RBFOX1: variants seen among roughly 807,000 people sequenced by gnomAD.
RBFOX1 encodes the protein RNA binding protein fox-1 homolog 1.
Under a neutral mutation model 57.7 loss-of-function variants are expected in RBFOX1, and 8 were observed. The observed-to-expected ratio is 0.14, with a 90% CI of 0.08 to 0.25. The LOEUF is 0.25. Among genes scored for constraint, RBFOX1 ranks in the 10% least tolerant of loss-of-function variants. RBFOX1 has a pLI of 1.00. For missense variants in RBFOX1, 611 were observed against 548.5 expected (o/e 1.11, Z -1.14); for synonymous variants, 326 against 222.4 (o/e 1.47, Z -4.15).
intron 4 of RBFOX1, among the ~76,000 whole-genome samples, chr16:7,153,698 T>C (rs8057525): frequency 0.4 from 57,335 of 145,092 alleles, 12,450 homozygotes; most frequent in African/African-American, 0.59. Context: ...TGCATTGAAC[T>C]CTAGCCTGGT....
intron 3 of RBFOX1, among the ~76,000 whole-genome samples, chr16:7,035,412 C>G (rs2044111381): frequency 6.6e-6 from 1 of 152,032 alleles, no homozygotes; most frequent in African/African-American, 2.4e-5. Flanking sequence ...TAAAATGCAC[C>G]CTATCGAATG....
chr16:6,666,692 G>A (rs117210635), intron 3 of RBFOX1, among the ~76,000 whole-genome samples: 8 of 152,074 alleles, frequency 5.3e-5, no homozygotes, highest in African/African-American at 7.2e-5. Flanking sequence ...AAGAAAATAC[G>A]TCCCTTCTGT....
intron 3 of RBFOX1, among the ~76,000 whole-genome samples, chr16:7,017,283 G>A (rs187994311): frequency 5.8e-4 from 88 of 152,268 alleles, no homozygotes; most frequent in East Asian, 5.2e-3. Context: ...AGTATAGAAT[G>A]ATGGCAAATA....
chr16:7,509,318 G>A lies in RBFOX1; in HGVS notation c.28-8829G>A, dbSNP rs75489997. Among the ~76,000 whole-genome samples, 16 of 151,930 alleles carry A rather than the reference G, an allele frequency of 1.1e-4. No individual in the cohort carries two copies. In the East Asian group the frequency reaches 2.7e-3, roughly 26 times the overall value. On this transcript the variant is annotated intron_variant, in intron 4 of 15. Transcript: ENST00000550418. Reference sequence around the variant, plus strand: ...GGTCTATAGGGACAAAGATGGTTTTGGATTTTGCTTACCGTTGCATTAAAT... The same window carrying A: ...GGTCTATAGGGACAAAGATGGTTTTAGATTTTGCTTACCGTTGCATTAAAT...
intron 2 of RBFOX1, among the ~76,000 whole-genome samples, chr16:6,516,298 C>G (rs1252586016): frequency 1.3e-5 from 2 of 152,156 alleles, no homozygotes; most frequent in Admixed American, 6.5e-5. Context: ...TTAGCTCTGC[C>G]TTCTATGAAA....
At chr16:5,244,875 C>T (rs1365625838) in intron 1 of RBFOX1, among the ~76,000 whole-genome samples, 1 of 152,220 alleles carries the variant, frequency 6.6e-6, no homozygotes, top group Non-Finnish European at 1.5e-5. Context: ...CAAGCCCCTG[C>T]AGGGAAGCAA....
Position 5,448,672 on chromosome 16 carries a change from C to T in RBFOX1, c.220-18544C>T, listed in dbSNP as rs545510369. Among the ~76,000 whole-genome samples the T allele has an allele frequency of 3.9e-5, 6 of 152,236 alleles. No individual in the cohort carries two copies. The East Asian group carries it at 5.8e-4, about 15-fold the overall frequency. ...GGACCCTCCCTTTGGCGTTGGCTAC[C>T]GTGTAGCAGAGCTCAATGTGAGATA... On this transcript the variant is annotated intron_variant, in intron 1 of 2. Transcript: ENST00000585867.
chr16:6,978,372 C>T lies in RBFOX1; in HGVS notation c.-15-73685C>T, dbSNP rs940582444. ...GTCTTTATAATTAGATCTAATTACT[C>T]ATACAGACGTCATGAGGACAATGAC... On this transcript the variant is annotated intron_variant, in intron 3 of 15. Coordinates refer to ENST00000550418, the MANE Select transcript of RBFOX1 (RefSeq NM_018723.4). Among the ~76,000 whole-genome samples, 6 of 152,178 alleles carry T rather than the reference C, an allele frequency of 3.9e-5. No individual in the cohort carries two copies. The South Asian group carries it at 6.2e-4, about 16-fold the overall frequency.
intron 2 of RBFOX1, among the ~76,000 whole-genome samples, chr16:6,481,015 G>C (rs949113507): frequency 2.6e-5 from 4 of 152,140 alleles, no homozygotes; most frequent in African/African-American, 9.7e-5. Context: ...ATCCACAAAT[G>C]TATCTTGTGC....
intron 2 of RBFOX1, among the ~76,000 whole-genome samples, chr16:5,561,017 A>G (rs1227815440): frequency 2.6e-5 from 4 of 152,214 alleles, no homozygotes; most frequent in Non-Finnish European, 2.9e-5. Context: ...TCATGCAAAG[A>G]AAAGGAATTT....
intron 2 of RBFOX1, among the ~76,000 whole-genome samples, chr16:6,578,288 A>T (rs1202509969): frequency 6.6e-6 from 1 of 152,184 alleles, no homozygotes; most frequent in African/African-American, 2.4e-5. Context: ...TTGGCCTAAA[A>T]TGGATCATCA....
At chr16:6,256,368 G>A (rs1236546093) in intron 1 of RBFOX1, among the ~76,000 whole-genome samples, 1 of 148,372 alleles carries the variant, frequency 6.7e-6, no homozygotes, top group Non-Finnish European at 1.5e-5. Flanking sequence ...GAAGAGGTTG[G>A]GTAAGAGGAC....
rs75520054 is a variant in RBFOX1 at position 5,518,265 on chromosome 16, G to T, written c.258+51011G>T. The stretch of plus-strand genomic sequence containing the variant: ...AGTGCATCGTATACTGACTGCTGGA[G>T]TGTGGGTTCTTCTGAGTTAGATGAG... On this transcript the variant is annotated intron_variant, in intron 2 of 2. Coordinates refer to the RBFOX1 transcript ENST00000585867. 7.8e-3 allele frequency among the ~76,000 whole-genome samples: 1,188 copies of T among 152,256 alleles called. 8 individuals are homozygous for T. Among genetic ancestry groups the T allele is most frequent in the Middle Eastern group, 0.014 (4 of 294 alleles).
intron 1 of RBFOX1, among the ~76,000 whole-genome samples, chr16:6,292,504 G>A: frequency 6.6e-6 from 1 of 151,918 alleles, no homozygotes; most frequent in Non-Finnish European, 1.5e-5. Context: ...ACTGAAAGCA[G>A]CCTCTTAATA....
At chr16:7,186,011 G>T (rs567326809) in intron 4 of RBFOX1, among the ~76,000 whole-genome samples, 2 of 152,164 alleles carry the variant, frequency 1.3e-5, no homozygotes, top group East Asian at 3.9e-4. Context: ...ATAGATCAAA[G>T]GCACACAGAC....
At chr16:7,225,896 A>G in intron 4 of RBFOX1, among the ~76,000 whole-genome samples, 1 of 127,646 alleles carries the variant, frequency 7.8e-6, no homozygotes, top group Admixed American at 8.8e-5. Flanking sequence ...TAGAACTTAA[A>G]GTATAATAAA....
chr16:6,717,877 G>A (rs930159561), intron 3 of RBFOX1, among the ~76,000 whole-genome samples: 1 of 152,108 alleles, frequency 6.6e-6, no homozygotes, highest in Non-Finnish European at 1.5e-5. Flanking sequence ...AGCAGATCTG[G>A]ATATGTGTCT....
intron 2 of RBFOX1, among the ~76,000 whole-genome samples, chr16:6,481,561 C>A (rs879867354): frequency 1.1e-4 from 16 of 152,140 alleles, no homozygotes; most frequent in Non-Finnish European, 1.6e-4. Context: ...CCAGTGTGTG[C>A]TGGGTTAATA....
intron 3 of RBFOX1, among the ~76,000 whole-genome samples, chr16:6,709,136 A>G (rs2063303131): frequency 6.6e-6 from 1 of 152,216 alleles, no homozygotes; most frequent in African/African-American, 2.4e-5. Flanking sequence ...AAAGTATCTT[A>G]AAGATGCTTT....
Sources: gnomAD v4.1 joint callset for allele counts (sites outside exome capture counted in the v4.1 genomes callset) on GRCh38, gnomAD v4.1.1 for gene constraint, MANE v1.5 for transcripts, NCBI Gene and HGNC (gene_info 2026-07-23, HGNC 2026-07-21) for gene names.